Variants in KCNH1 observed in about 807,000 individuals in gnomAD.
KCNH1 encodes potassium voltage-gated channel subfamily H member 1, also known as voltage-gated delayed rectifier potassium channel KCNH1.
In KCNH1, 27 loss-of-function variants were observed where a neutral mutation model predicts 69.2. The ratio of observed to expected loss-of-function variants is 0.39; its 90% CI spans 0.29 to 0.54. The LOEUF (loss-of-function observed/expected upper bound fraction) is 0.54, where lower values mean the gene tolerates loss of function less well. Among genes scored for constraint, KCNH1 ranks in the 20% least tolerant of loss-of-function variants. KCNH1 has a pLI of 0.68. For missense variants in KCNH1, 798 were observed against 1,261.6 expected (o/e 0.63, Z 5.57); for synonymous variants, 456 against 487.7 (o/e 0.93, Z 0.86).
chr1:210,706,361 A>AGCT (rs1681914126), intron 10 of KCNH1, among the ~76,000 whole-genome samples: 1 of 152,218 alleles, frequency 6.6e-6, no homozygotes, highest in South Asian at 2.1e-4. Flanking sequence ...GATGCAAATA[A>AGCT]CCTTTAATAT....
intron 10 of KCNH1, among the ~76,000 whole-genome samples, chr1:210,759,156 G>GACACACACACACAC (rs60773247): frequency 0.038 from 5,665 of 148,522 alleles, 161 homozygotes; most frequent in East Asian, 0.13. Context: ...CCAAATGATA[G>GACACACACACACAC]ACACACACAC....
At chr1:210,826,326 C>A (rs1171843722) in intron 7 of KCNH1, among the ~76,000 whole-genome samples, 4 of 151,802 alleles carry the variant, frequency 2.6e-5, no homozygotes, top group Non-Finnish European at 4.4e-5. Flanking sequence ...TTATGAGGAG[C>A]TATCTACACC....
intron 10 of KCNH1, among the ~76,000 whole-genome samples, chr1:210,693,040 C>G (rs1681557830): frequency 6.6e-6 from 1 of 152,208 alleles, no homozygotes; most frequent in African/African-American, 2.4e-5. Context: ...GTTCTCCCTT[C>G]TGCTTCAGTA....
At chr1:210,704,024 C>A (rs1180416999) in intron 10 of KCNH1, among the ~76,000 whole-genome samples, 1 of 152,138 alleles carries the variant, frequency 6.6e-6, no homozygotes, top group Non-Finnish European at 1.5e-5. Context: ...CCAGGACTGT[C>A]ACCAGTGCCC....
intron 7 of KCNH1, among the ~76,000 whole-genome samples, chr1:210,908,198 A>G (rs1413583110): frequency 6.6e-6 from 1 of 152,218 alleles, no homozygotes; most frequent in East Asian, 1.9e-4. Context: ...CTAATTATCC[A>G]TCTGTTCTCA....
chr1:210,694,697 AT>A (rs1229274908), intron 10 of KCNH1, among the ~76,000 whole-genome samples: 1 of 152,232 alleles, frequency 6.6e-6, no homozygotes, highest in Non-Finnish European at 1.5e-5. Context: ...TTGTACGTCC[AT>A]TCTTTGACCA....
intron 10 of KCNH1, among the ~76,000 whole-genome samples, chr1:210,774,693 G>A (rs554741917): frequency 1.3e-5 from 2 of 152,252 alleles, no homozygotes; most frequent in Admixed American, 1.3e-4. Context: ...AAGAGTACAA[G>A]ACCAATACTT....
chr1:210,715,427 G>A (rs1434728587), intron 10 of KCNH1, among the ~76,000 whole-genome samples: 1 of 151,896 alleles, frequency 6.6e-6, no homozygotes, highest in Non-Finnish European at 1.5e-5. Context: ...AGCACTTTGG[G>A]AGGCCAAGGC....
intron 4 of KCNH1, among the ~76,000 whole-genome samples, chr1:211,084,981 T>C (rs1000323676): frequency 1.3e-5 from 2 of 152,120 alleles, no homozygotes; most frequent in Non-Finnish European, 2.9e-5. Context: ...GTGAGCTAAG[T>C]TCTATGACAG....
At chr1:210,944,126 G>A (rs1253275894) in intron 6 of KCNH1, among the ~76,000 whole-genome samples, 1 of 152,150 alleles carries the variant, frequency 6.6e-6, no homozygotes, top group Non-Finnish European at 1.5e-5. Context: ...CCTAGCTCGG[G>A]TCACTCTGCA....
chr1:210,849,740 G>T (rs1214321861), intron 7 of KCNH1, among the ~76,000 whole-genome samples: 1 of 151,962 alleles, frequency 6.6e-6, no homozygotes, highest in Non-Finnish European at 1.5e-5. Flanking sequence ...TACTTAGATG[G>T]GAGAAGAAGG....
intron 6 of KCNH1, among the ~76,000 whole-genome samples, chr1:210,962,721 A>G (rs1338065859): frequency 6.6e-6 from 1 of 151,738 alleles, no homozygotes; most frequent in East Asian, 1.9e-4. Flanking sequence ...AGCATCCTTG[A>G]ACATGCCCCT....
intron 10 of KCNH1, among the ~76,000 whole-genome samples, chr1:210,695,041 G>A (rs1471465969): frequency 6.6e-6 from 1 of 152,238 alleles, no homozygotes; most frequent in Non-Finnish European, 1.5e-5. Context: ...TCTCCTTGGA[G>A]TCTGGATGGT....
chr1:210,945,754 G>A (rs577271198), intron 6 of KCNH1, among the ~76,000 whole-genome samples: 37 of 152,220 alleles, frequency 2.4e-4, no homozygotes, highest in African/African-American at 8.9e-4. Flanking sequence ...GGGCCTTTGC[G>A]CTTGTTTATC....
At chr1:210,808,687 T>C (rs1325370419) in intron 7 of KCNH1, among the ~76,000 whole-genome samples, 2 of 152,232 alleles carry the variant, frequency 1.3e-5, no homozygotes, top group African/African-American at 4.8e-5. Context: ...TGAGCTACCA[T>C]GGCCAGCCCC....
intron 7 of KCNH1, among the ~76,000 whole-genome samples, chr1:210,828,896 A>C (rs574556786): frequency 1.3e-5 from 2 of 152,356 alleles, no homozygotes; most frequent in South Asian, 4.1e-4. Context: ...TGACTTCCTG[A>C]ATAACAATGA....
intron 9 of KCNH1, among the ~76,000 whole-genome samples, chr1:210,783,189 G>A (rs1356268976): frequency 6.6e-6 from 1 of 152,214 alleles, no homozygotes; most frequent in Admixed American, 6.5e-5. Context: ...ATGATTGCCT[G>A]TGACTGCCTC....
At chr1:210,827,074 A>G (rs191045582) in intron 7 of KCNH1, among the ~76,000 whole-genome samples, 2 of 152,362 alleles carry the variant, frequency 1.3e-5, no homozygotes, top group African/African-American at 4.8e-5. Context: ...GCAGTGGCTC[A>G]TGCCTGTAAT....
intron 6 of KCNH1, among the ~76,000 whole-genome samples, chr1:210,982,454 G>A (rs1688733127): frequency 6.6e-6 from 1 of 151,728 alleles, no homozygotes; most frequent in Non-Finnish European, 1.5e-5. Context: ...GGTATGTGAT[G>A]TTCCCCTTCC....
Sources: gnomAD v4.1 joint callset for allele counts (sites outside exome capture counted in the v4.1 genomes callset) on GRCh38, gnomAD v4.1.1 for gene constraint, MANE v1.5 for transcripts, NCBI Gene and HGNC (gene_info 2026-07-23, HGNC 2026-07-21) for gene names.